CAMK2D: variants seen among roughly 807,000 people sequenced by gnomAD.
CAMK2D encodes the protein calcium/calmodulin-dependent protein kinase type II subunit delta.
In CAMK2D, 37 loss-of-function variants were observed where a neutral mutation model predicts 84.0. That is an observed-to-expected ratio of 0.44 (90% CI 0.34 to 0.58). The LOEUF is 0.58. CAMK2D is among the 20% of genes least tolerant of loss of function. The pLI is 0.02. For synonymous variants in CAMK2D, 202 were observed against 212.5 expected, an observed-to-expected ratio of 0.95 and a Z score of 0.43; for missense variants, 448 against 652.5, an observed-to-expected ratio of 0.69 and a Z score of 3.41.
At chr4:113,692,011 G>A (rs944080507) in intron 2 of CAMK2D, among the ~76,000 whole-genome samples, 1 of 152,140 alleles carries the variant, frequency 6.6e-6, no homozygotes, top group Non-Finnish European at 1.5e-5. Context: ...AAACAGTTAC[G>A]AGCAAGAATT....
At chr4:113,698,471 T>C (rs1244516676) in intron 2 of CAMK2D, among the ~76,000 whole-genome samples, 1 of 152,158 alleles carries the variant, frequency 6.6e-6, no homozygotes, top group African/African-American at 2.4e-5. Context: ...ACATGCCATA[T>C]GTATACAGCA....
intron 3 of CAMK2D, among the ~76,000 whole-genome samples, chr4:113,611,663 A>T (rs1355305930): frequency 1.3e-5 from 2 of 152,182 alleles, no homozygotes; most frequent in Non-Finnish European, 2.9e-5. Context: ...ATTTCCATTC[A>T]CTTATTAATA....
chr4:113,696,170 TGACA>T (rs1262457129), intron 2 of CAMK2D, among the ~76,000 whole-genome samples: 3 of 139,906 alleles, frequency 2.1e-5, no homozygotes, highest in Non-Finnish European at 4.6e-5. Context: ...GCACACCACT[TGACA>T]GACAGACACA....
At chr4:113,671,826 G>A (rs1279682071) in intron 2 of CAMK2D, among the ~76,000 whole-genome samples, 2 of 152,188 alleles carry the variant, frequency 1.3e-5, no homozygotes, top group Non-Finnish European at 2.9e-5. Flanking sequence ...TGTGAACAAA[G>A]GAGGAGGAAA....
intron 3 of CAMK2D, among the ~76,000 whole-genome samples, chr4:113,649,093 G>A (rs1212589525): frequency 6.6e-6 from 1 of 152,130 alleles, no homozygotes; most frequent in African/African-American, 2.4e-5. Context: ...CTCAAGATCT[G>A]ATTCCACAGC....
Position 113,560,411 on chromosome 4 carries a change from T to A in CAMK2D, c.276-8315A>T, listed in dbSNP as rs80009047. Among the ~76,000 whole-genome samples the A allele has an allele frequency of 8.9e-3, 1,353 of 152,260 alleles. 20 individuals carry two copies. Among genetic ancestry groups the A allele is most frequent in the African/African-American group, 0.031 (1,280 of 41,552 alleles). ...ATCAAGTTGTAAGCTCTATCAAGCA[T>A]CTAGTCTCGTGGAGAAAATAGAAAC... On this transcript the variant is annotated intron_variant, in intron 4 of 20. Coordinates refer to ENST00000511664, the MANE Select transcript of CAMK2D (RefSeq NM_001321571.2).
chr4:113,495,317 C>A (rs17591997), intron 16 of CAMK2D, among the ~76,000 whole-genome samples: 4 of 152,158 alleles, frequency 2.6e-5, no homozygotes, highest in South Asian at 2.1e-4. Context: ...ATAAAATACC[C>A]AAGAGTTTCT....
chr4:113,609,551 T>C (rs1023159042), intron 3 of CAMK2D, among the ~76,000 whole-genome samples: 2 of 152,196 alleles, frequency 1.3e-5, no homozygotes, highest in Non-Finnish European at 2.9e-5. Flanking sequence ...TTATAATATA[T>C]ATCCATATAC....
At chr4:113,596,085 TTG>T (rs1386762983) in intron 4 of CAMK2D, among the ~76,000 whole-genome samples, 2 of 152,238 alleles carry the variant, frequency 1.3e-5, no homozygotes, top group East Asian at 3.8e-4. Flanking sequence ...AAATCCTTTG[TTG>T]TCATTCAACA....
At chr4:113,593,497 T>C (rs749044175) in intron 4 of CAMK2D, among the ~76,000 whole-genome samples, 2 of 152,194 alleles carry the variant, frequency 1.3e-5, no homozygotes, top group African/African-American at 4.8e-5. Context: ...ATAAAAACTT[T>C]AGGGGGACCT....
At chr4:113,475,275 G>A (rs557662034) in intron 16 of CAMK2D, among the ~76,000 whole-genome samples, 4 of 152,312 alleles carry the variant, frequency 2.6e-5, no homozygotes, top group South Asian at 4.1e-4. Flanking sequence ...GGCAGAAAGA[G>A]CTGAAGAGCA....
chr4:113,663,624 G>A (rs1438911203), intron 2 of CAMK2D, among the ~76,000 whole-genome samples: 1 of 129,248 alleles, frequency 7.7e-6, no homozygotes, highest in Non-Finnish European at 1.6e-5. Context: ...TAATAATAAA[G>A]TACATGAAAG....
intron 3 of CAMK2D, among the ~76,000 whole-genome samples, chr4:113,622,508 C>T (rs1025610244): frequency 6.6e-6 from 1 of 151,868 alleles, no homozygotes; most frequent in Admixed American, 6.6e-5. Context: ...CTTATGCCTG[C>T]GATCCCAATG....
chr4:113,568,209 C>T (rs919844560), intron 4 of CAMK2D, among the ~76,000 whole-genome samples: 1 of 152,178 alleles, frequency 6.6e-6, no homozygotes, highest in Non-Finnish European at 1.5e-5. Context: ...CCAAACAGAA[C>T]TCTGTACCCC....
rs191760288 is a variant in CAMK2D, at chr4:113,522,448, A to G, written c.602-4791T>C. Among the ~76,000 whole-genome samples, 160 of 151,596 alleles carry G rather than the reference A, an allele frequency of 1.1e-3. 1 individual carries two copies. Among genetic ancestry groups the G allele is most frequent in the African/African-American group, 3.6e-3 (147 of 40,830 alleles). ...ACATTTCAAGTAGAGAAAGTGCTCA[A>G]CTAACACTCTGACCTAAATGGCCAA... On this transcript the variant is annotated intron_variant, in intron 8 of 20. Coordinates refer to ENST00000511664, the MANE Select transcript of CAMK2D (RefSeq NM_001321571.2).
intron 2 of CAMK2D, among the ~76,000 whole-genome samples, chr4:113,682,968 T>C (rs1006631752): frequency 1.3e-5 from 2 of 152,212 alleles, no homozygotes; most frequent in African/African-American, 4.8e-5. Context: ...AATCATCTGC[T>C]AGCTACCCTA....
At chr4:113,484,856 G>C (rs1219578736) in intron 16 of CAMK2D, among the ~76,000 whole-genome samples, 1 of 152,146 alleles carries the variant, frequency 6.6e-6, no homozygotes, top group South Asian at 2.1e-4. Context: ...TCCTGCAGAT[G>C]TAAGATTAGA....
chr4:113,746,122 G>C (rs2099603603), intron 2 of CAMK2D, among the ~76,000 whole-genome samples: 1 of 152,172 alleles, frequency 6.6e-6, no homozygotes, highest in Non-Finnish European at 1.5e-5. Context: ...TATCCCCTAA[G>C]CTTGTTATAG....
chr4:113,737,699 C>T (rs2099584387), intron 2 of CAMK2D, among the ~76,000 whole-genome samples: 1 of 152,156 alleles, frequency 6.6e-6, no homozygotes, highest in African/African-American at 2.4e-5. Flanking sequence ...CTATCCTTCA[C>T]TGTCCTTTAT....
Sources: gnomAD v4.1 joint callset for allele counts (sites outside exome capture counted in the v4.1 genomes callset) on GRCh38, gnomAD v4.1.1 for gene constraint, MANE v1.5 for transcripts, NCBI Gene and HGNC (gene_info 2026-07-23, HGNC 2026-07-21) for gene names.